CATSPERE: variants seen among roughly 807,000 people sequenced by gnomAD.
The protein encoded by CATSPERE is cation channel sperm-associated auxiliary subunit epsilon.
In CATSPERE, 93 loss-of-function variants were observed where a neutral mutation model predicts 114.1. That is an observed-to-expected ratio of 0.81 (90% CI 0.69 to 0.97). The LOEUF (loss-of-function observed/expected upper bound fraction) is 0.97. Among genes scored for constraint, CATSPERE ranks in the 50% least tolerant of loss-of-function variants. CATSPERE has a pLI of 0.00. For missense variants in CATSPERE, 1,058 were observed against 1,131.6 expected (o/e 0.93, Z 0.93); for synonymous variants, 341 against 384.1 (o/e 0.89, Z 1.31).
At chr1:244,503,878 T>C (rs915781686) in intron 7 of CATSPERE, among the ~76,000 whole-genome samples, 2 of 152,240 alleles carry the variant, frequency 1.3e-5, no homozygotes, top group Admixed American at 6.5e-5. Context: ...GAAAATTATT[T>C]CTAATATGCT....
rs370620807 is a variant in CATSPERE at position 244,510,778 on chromosome 1, A to ATCT, written c.430-7813_430-7811dup. 7.7e-3 allele frequency among the ~76,000 whole-genome samples: 998 copies of ATCT among 129,992 alleles called. 11 individuals are homozygous for ATCT. The highest frequency in any genetic ancestry group is 0.027 in the African/African-American group (927 of 34,850). 85.3% of individuals were successfully genotyped at this position (129,992 alleles called of 152,430 possible). A position where few individuals can be genotyped will look rare whatever the true frequency, so the allele number is the denominator to read the frequency against. Reference sequence around the variant, plus strand: ...AGATGTAATTATATTTGCTTTATATATCTGGGTGTGTTGAGTGCATATAAC... The same window carrying ATCT: ...AGATGTAATTATATTTGCTTTATATATCTTCTGGGTGTGTTGAGTGCATATAAC... On this transcript the variant is annotated intron_variant, in intron 7 of 21. Coordinates refer to ENST00000366534, the MANE Select transcript of CATSPERE (RefSeq NM_001130957.2).
chr1:244,476,741 A>G (rs1352098847), intron 2 of CATSPERE, among the ~76,000 whole-genome samples: 1 of 152,250 alleles, frequency 6.6e-6, no homozygotes, highest in Non-Finnish European at 1.5e-5. Flanking sequence ...ACAATGTTAG[A>G]AAGTGAATTG....
At chr1:244,480,175 T>C (rs1321915319) in intron 5 of CATSPERE, among the ~76,000 whole-genome samples, 2 of 152,194 alleles carry the variant, frequency 1.3e-5, no homozygotes, top group East Asian at 1.9e-4. Flanking sequence ...TCTTCTATTA[T>C]ATGCATTTCA....
At chr1:244,597,084 C>G (rs1668538477) in intron 17 of CATSPERE, among the ~76,000 whole-genome samples, 1 of 152,194 alleles carries the variant, frequency 6.6e-6, no homozygotes, top group Non-Finnish European at 1.5e-5. Flanking sequence ...AACTGTCCTC[C>G]TCTTTCTCCT....
chr1:244,627,051 A>G (rs1447354218), intron 20 of CATSPERE, among the ~76,000 whole-genome samples: 1 of 152,192 alleles, frequency 6.6e-6, no homozygotes, highest in African/African-American at 2.4e-5. Context: ...AGTGAGAGAC[A>G]TGTGCCTCTT....
chr1:244,557,961 GT>G (rs1661917959), intron 9 of CATSPERE, among the ~76,000 whole-genome samples: 1 of 151,424 alleles, frequency 6.6e-6, no homozygotes, highest in Non-Finnish European at 1.5e-5. Flanking sequence ...GTGCATCTGA[GT>G]TTTTTTCAGA....
intron 7 of CATSPERE, among the ~76,000 whole-genome samples, chr1:244,511,270 A>C (rs1675714450): frequency 6.6e-6 from 1 of 152,170 alleles, no homozygotes; most frequent in Non-Finnish European, 1.5e-5. Flanking sequence ...CTACTATAAG[A>C]ATAGCTACTC....
At chr1:244,474,820 TGCA>T (rs1214135214) in intron 2 of CATSPERE, among the ~76,000 whole-genome samples, 1 of 150,622 alleles carries the variant, frequency 6.6e-6, no homozygotes, top group Non-Finnish European at 1.5e-5. Flanking sequence ...CACAGTTCAC[TGCA>T]GCCTTTAACT....
In CATSPERE at chr1:244,573,837, T is replaced by C. The variant is rs575592146; in HGVS notation, c.1950+1065T>C. Among the ~76,000 whole-genome samples the C allele has an allele frequency of 1.3e-5, 2 of 152,362 alleles. No individual in the cohort carries two copies. The highest frequency in any genetic ancestry group is 4.1e-4 in the South Asian group (2 of 4,832). On this transcript the variant is annotated intron_variant, in intron 11 of 21. Coordinates refer to ENST00000366534, the MANE Select transcript of CATSPERE (RefSeq NM_001130957.2). This position sits in a 1 kb window ranked among gnomAD's most constrained non-coding sequence, Gnocchi z 4.0. ...TGGGAAAAATTCTTGCAGCCATCTTTGCAAACAATGTCATAATAGGTGTTA... is the reference window on the plus strand; with the variant it reads ...TGGGAAAAATTCTTGCAGCCATCTTCGCAAACAATGTCATAATAGGTGTTA...
intron 8 of CATSPERE, among the ~76,000 whole-genome samples, chr1:244,546,869 T>C (rs575082258): frequency 3.4e-4 from 52 of 152,210 alleles, no homozygotes; most frequent in Admixed American, 1.4e-3. Flanking sequence ...GCTTACGTCA[T>C]TGGGGTTTAA....
chr1:244,561,288 A>C (rs1237643633), intron 10 of CATSPERE, 143 bp downstream of exon 10: 1 of 642,820 alleles, frequency 1.6e-6, no homozygotes, highest in Non-Finnish European at 2.7e-6. Flanking sequence ...AAATGAATTG[A>C]CTTTAAATAC....
chr1:244,532,808 TC>T (rs1679817260), intron 8 of CATSPERE, among the ~76,000 whole-genome samples: 1 of 152,160 alleles, frequency 6.6e-6, no homozygotes, highest in Non-Finnish European at 1.5e-5. Flanking sequence ...ATCCATGAGT[TC>T]AGGAGAAGAA....
At chr1:244,462,366 G>A (rs1444896612) in intron 1 of CATSPERE, among the ~76,000 whole-genome samples, 1 of 152,054 alleles carries the variant, frequency 6.6e-6, no homozygotes, top group African/African-American at 2.4e-5. Context: ...TTGTTATCTG[G>A]GACTAAATTA....
rs555699231 is a variant in CATSPERE at position 244,461,303 on chromosome 1, G to T, written c.-127G>T. The T allele has an allele frequency of 2.7e-5, 21 of 779,026 alleles. No homozygotes were observed. The South Asian group carries it at 1.0e-3, about 39-fold the overall frequency. The allele number at this position is 779,026 out of a possible 1,614,324, so 48.3% of individuals were successfully genotyped here. On this transcript the variant is annotated 5_prime_UTR_variant, in exon 1 of 22. Coordinates refer to ENST00000366534, the MANE Select transcript of CATSPERE (RefSeq NM_001130957.2). ...TCTCCCTCGCTGGTCTTCAGGCCCG[G>T]CCCGCCCTGTCCAGAGGCGCCGGGA...
intron 20 of CATSPERE, among the ~76,000 whole-genome samples, chr1:244,631,867 C>T (rs1382553394): frequency 1.3e-5 from 2 of 152,108 alleles, no homozygotes; most frequent in African/African-American, 2.4e-5. Flanking sequence ...AATGGTGTGG[C>T]CACTTTGGAA....
intron 8 of CATSPERE, among the ~76,000 whole-genome samples, chr1:244,533,378 G>C (rs375328557): frequency 2.0e-5 from 3 of 152,042 alleles, no homozygotes; most frequent in African/African-American, 4.8e-5. Context: ...GATAAGTAAG[G>C]ATGTACTCCT....
At chr1:244,556,518 GC>G (rs1661601038) in intron 9 of CATSPERE, among the ~76,000 whole-genome samples, 1 of 151,814 alleles carries the variant, frequency 6.6e-6, no homozygotes, top group South Asian at 2.1e-4. Context: ...TTATTTAGAA[GC>G]CCACTTTAAA....
chr1:244,517,913 AT>A, intron 7 of CATSPERE, among the ~76,000 whole-genome samples: 1 of 150,834 alleles, frequency 6.6e-6, no homozygotes, highest in African/African-American at 2.5e-5. Context: ...CATGATAACA[AT>A]CTTAAAGGTT....
intron 17 of CATSPERE, among the ~76,000 whole-genome samples, chr1:244,599,728 A>T (rs1668923282): frequency 6.6e-6 from 1 of 152,158 alleles, no homozygotes; most frequent in Non-Finnish European, 1.5e-5. Context: ...ATTAAACTTC[A>T]CTGCACTCAC....
Sources: gnomAD v4.1 joint callset for allele counts (sites outside exome capture counted in the v4.1 genomes callset) on GRCh38, gnomAD v4.1.1 for gene constraint, Gnocchi (gnomAD v3.1) non-coding constraint, MANE v1.5 for transcripts, NCBI Gene and HGNC (gene_info 2026-07-23, HGNC 2026-07-21) for gene names.